The following NHS variants were observed in gnomAD, a reference collection of about 807,000 sequenced individuals.
NHS encodes the protein actin remodeling regulator NHS.
NHS carries 5 observed loss-of-function variants against 72.5 expected under a neutral mutation model. That is an observed-to-expected ratio of 0.07 (90% CI 0.04 to 0.14). NHS has a LOEUF of 0.14. Ranked by LOEUF, NHS falls within the 10% of genes least tolerant of loss-of-function variation. The pLI, the probability that NHS is intolerant of heterozygous loss-of-function variation, is 1.00. For missense variants in NHS, 1,072 were observed against 1,355.7 expected (o/e 0.79, Z 3.29); for synonymous variants, 464 against 547.7 (o/e 0.85, Z 2.13).
chrX:17,663,921 G>A (rs1187428331), intron 1 of NHS, among the ~76,000 whole-genome samples: 1 of 111,769 alleles, frequency 8.9e-6, no homozygotes, highest in East Asian at 2.8e-4. Context: ...TCTCATTGTG[G>A]TTTTCATTTG....
chrX:17,483,200 A>G (rs1712774648), intron 1 of NHS, among the ~76,000 whole-genome samples: 1 of 112,567 alleles, frequency 8.9e-6, no homozygotes, highest in Non-Finnish European at 1.9e-5. Flanking sequence ...AAAGTATAAT[A>G]CATAGGATTG....
chrX:17,687,329 G>A (rs1466400438), intron 1 of NHS: 6 of 222,147 alleles, frequency 2.7e-5, no homozygotes, highest in Non-Finnish European at 4.2e-5. Flanking sequence ...CCTGCGGCCA[G>A]AAGGCTGGAG....
At chrX:17,456,256 T>A (rs2064825325) in intron 1 of NHS, among the ~76,000 whole-genome samples, 1 of 112,182 alleles carries the variant, frequency 8.9e-6, no homozygotes, top group Non-Finnish European at 1.9e-5. Flanking sequence ...GGAGATCTTA[T>A]GCCAAATTAT....
intron 1 of NHS, among the ~76,000 whole-genome samples, chrX:17,480,065 C>T (rs1221287769): frequency 9.0e-6 from 1 of 111,273 alleles, no homozygotes; most frequent in Non-Finnish European, 1.9e-5. Context: ...AGGAATACAA[C>T]TTACAAGGGA....
chrX:17,551,421 C>T (rs1000619976), intron 1 of NHS, among the ~76,000 whole-genome samples: 5 of 111,648 alleles, frequency 4.5e-5, no homozygotes, highest in African/African-American at 6.5e-5. Flanking sequence ...CTAGAGTAAG[C>T]GGGATGGATT....
chrX:17,465,214 A>G (rs1346350615), intron 1 of NHS, among the ~76,000 whole-genome samples: 2 of 111,686 alleles, frequency 1.8e-5, no homozygotes, highest in Non-Finnish European at 3.8e-5. Flanking sequence ...ACCAGAGCTC[A>G]GAAACTTTTG....
chrX:17,511,561 G>A (rs997952604), intron 1 of NHS, among the ~76,000 whole-genome samples: 1 of 111,917 alleles, frequency 8.9e-6, no homozygotes, highest in Non-Finnish European at 1.9e-5. Flanking sequence ...TTCAATAGAT[G>A]TAGGGTAGGT....
intron 1 of NHS, among the ~76,000 whole-genome samples, chrX:17,474,097 G>A (rs189075516): frequency 0.01 from 1,146 of 110,827 alleles, 16 homozygotes; most frequent in African/African-American, 0.035. Flanking sequence ...CCTCAAGTAG[G>A]CCTCAGTGCC....
At chrX:17,579,387 G>A (rs2065530632) in intron 1 of NHS, among the ~76,000 whole-genome samples, 1 of 110,967 alleles carries the variant, frequency 9.0e-6, no homozygotes, top group Non-Finnish European at 1.9e-5. Context: ...TTTTCCTGAT[G>A]CTATTTTGAT....
At chrX:17,452,748 G>A (rs192099576) in intron 1 of NHS, among the ~76,000 whole-genome samples, 47 of 111,611 alleles carry the variant, frequency 4.2e-4, no homozygotes, top group Non-Finnish European at 8.3e-4. Context: ...CTTGAATCTG[G>A]TGCTCACCCT....
intron 1 of NHS, among the ~76,000 whole-genome samples, chrX:17,592,995 A>C (rs1030491754): frequency 8.9e-6 from 1 of 112,332 alleles, no homozygotes; most frequent in African/African-American, 3.2e-5. Flanking sequence ...TTTTCCAAAA[A>C]AAATTTTTAA....
At chrX:17,528,262 CA>C (rs1279519871) in intron 1 of NHS, among the ~76,000 whole-genome samples, 1 of 111,976 alleles carries the variant, frequency 8.9e-6, no homozygotes, top group Admixed American at 9.4e-5. Context: ...GATCCAGCCT[CA>C]AATGTCACCA....
intron 1 of NHS, among the ~76,000 whole-genome samples, chrX:17,430,674 G>A (rs1299610552): frequency 9.0e-6 from 1 of 110,995 alleles, no homozygotes; most frequent in East Asian, 2.8e-4. Context: ...TGTACTTTTT[G>A]TTTTCAAAGA....
chrX:17,692,234 T>G, intron 2 of NHS, 101 bp from the exon 3 acceptor site: 1 of 166,657 alleles, frequency 6.0e-6, no homozygotes, highest in East Asian at 2.6e-4. Context: ...GAAAACTCAC[T>G]TTTTTTTTTT....
intron 1 of NHS, among the ~76,000 whole-genome samples, chrX:17,416,248 A>G (rs189172177): frequency 4.4e-4 from 49 of 111,461 alleles, no homozygotes; most frequent in African/African-American, 1.6e-3. Flanking sequence ...ACAAATGCCT[A>G]TAACCCTCAC....
chrX:17,731,126 T>C (rs1226857101), intron 8 of NHS, among the ~76,000 whole-genome samples: 1 of 110,550 alleles, frequency 9.0e-6, no homozygotes, highest in Non-Finnish European at 1.9e-5. Flanking sequence ...CATCAGATCA[T>C]TTCATCTGTA....
At chrX:17,564,903 C>T (rs2065434264) in intron 1 of NHS, among the ~76,000 whole-genome samples, 3 of 112,041 alleles carry the variant, frequency 2.7e-5, no homozygotes, top group African/African-American at 9.8e-5. Context: ...GCACCACAAA[C>T]TAACTGCATT....
chrX:17,496,239 G>A (rs2065011987), intron 1 of NHS, among the ~76,000 whole-genome samples: 1 of 110,932 alleles, frequency 9.0e-6, no homozygotes, highest in Admixed American at 9.6e-5. Flanking sequence ...GCCCAGGGCA[G>A]CACAGCATCT....
At chrX:17,437,859 G>A (rs2064731439) in intron 1 of NHS, among the ~76,000 whole-genome samples, 1 of 111,578 alleles carries the variant, frequency 9.0e-6, no homozygotes, top group South Asian at 3.8e-4. Context: ...AAGCCCTTGA[G>A]GAAGCATCAG....
Sources: allele counts gnomAD v4.1 joint callset (sites outside exome capture counted in the v4.1 genomes callset), GRCh38; gene constraint gnomAD v4.1.1; transcripts MANE v1.5; gene names NCBI Gene and HGNC (gene_info 2026-07-23, HGNC 2026-07-21).